BPIFB4: variants seen among roughly 807,000 people sequenced by gnomAD.
BPIFB4 encodes BPI fold-containing family B member 4.
Under a neutral mutation model 69.2 loss-of-function variants are expected in BPIFB4, and 62 were observed. The observed-to-expected ratio is 0.90, with a 90% confidence interval of 0.73 to 1.11. The LOEUF is 1.11. Ranked by LOEUF, BPIFB4 falls within the 50% of genes least tolerant of loss-of-function variation. The pLI, the probability that BPIFB4 is intolerant of heterozygous loss-of-function variation, is 0.00. For missense variants in BPIFB4, 789 were observed against 792.0 expected, an observed-to-expected ratio of 1.00 and a Z score of 0.04; for synonymous variants, 330 against 332.7, an observed-to-expected ratio of 0.99 and a Z score of 0.09.
chr20:33,095,711 T>C (rs1229179165), intron 12 of BPIFB4, among the ~76,000 whole-genome samples: 10 of 152,186 alleles, frequency 6.6e-5, no homozygotes, highest in Admixed American at 4.6e-4. Context: ...GGGGTAACCA[T>C]GCTCACTTCA....
chr20:33,107,690 G>A (rs1399134530), intron 16 of BPIFB4, 54 bp from the exon 17 acceptor site: 5 of 1,383,260 alleles, frequency 3.6e-6, no homozygotes, highest in Non-Finnish European at 5.1e-6. Context: ...GGCTTCTGGT[G>A]AGACCAACAC....
chr20:33,110,514 A>C lies in BPIFB4; in HGVS notation c.1822-900A>C, dbSNP rs567376488. Among the ~76,000 whole-genome samples, 154 of 152,310 alleles carry C rather than the reference A, an allele frequency of 1.0e-3. 1 individual carries two copies. Among genetic ancestry groups the C allele is most frequent in the Non-Finnish European group, 1.9e-3 (127 of 68,040 alleles). ...CAATCTCTTGTGAGGAGGTACCAGG[A>C]GACCATGCAAATATCCTGTTTCTCG... On this transcript the variant is annotated intron_variant, in intron 17 of 17. Coordinates refer to ENST00000375483, the MANE Select transcript of BPIFB4 (RefSeq NM_182519.3).
chr20:33,102,989 G>A lies in BPIFB4; in HGVS notation c.1655G>A (p.Arg552Lys). 6.2e-7 allele frequency: 1 copy of A among 1,614,152 alleles called. No individual in the cohort carries two copies. The highest frequency in any genetic ancestry group is 8.5e-7 in the Non-Finnish European group (1 of 1,180,008). Residue 552 changes from arginine (R) to lysine (K), a missense_variant, in exon 15 of 18, where the codon AGA becomes AAA. Transcript: ENST00000375483. ...AKLEKTSLNL[R>K]TSNVGNFDIG... is the part of the protein sequence containing the mutation. Reference sequence around the variant, plus strand: ...GTCTACAGGACCAGCCTCAACCTCAGAACCTCAAACGTGGGCAACTTTGAT... The same window carrying A: ...GTCTACAGGACCAGCCTCAACCTCAAAACCTCAAACGTGGGCAACTTTGAT...
intron 13 of BPIFB4, 31 bp downstream of exon 13, chr20:33,097,818 G>C: frequency 6.3e-7 from 1 of 1,577,236 alleles, no homozygotes. Flanking sequence ...GTGGCCTCCA[G>C]CTGGGCCTCA....
intron 9 of BPIFB4, among the ~76,000 whole-genome samples, chr20:33,089,894 A>G (rs1001046108): frequency 6.6e-6 from 1 of 152,162 alleles, no homozygotes; most frequent in Non-Finnish European, 1.5e-5. Context: ...AGCTGTGTGG[A>G]CTTGGAGAGA....
intron 13 of BPIFB4, 95 bp from the exon 14 acceptor site, chr20:33,100,331 A>G (rs1201315960): frequency 1.9e-6 from 2 of 1,063,752 alleles, no homozygotes; most frequent in Non-Finnish European, 2.8e-6. Context: ...AGGGTTAACG[A>G]AGCCCTAGCT....
At chr20:33,096,785 G>C (rs1981767895) in intron 12 of BPIFB4, among the ~76,000 whole-genome samples, 1 of 152,198 alleles carries the variant, frequency 6.6e-6, no homozygotes, top group Non-Finnish European at 1.5e-5. Flanking sequence ...GTGTCCTGGA[G>C]ACCTGGGCTG....
intron 7 of BPIFB4, among the ~76,000 whole-genome samples, chr20:33,086,829 G>A (rs1225654052): frequency 6.6e-6 from 1 of 152,116 alleles, no homozygotes; most frequent in Admixed American, 6.5e-5. Flanking sequence ...TTCATATACT[G>A]GCCAGCACGC....
At position 33,095,160 on chromosome 20, in the gene BPIFB4, A is replaced by G; in HGVS notation, c.1398+7A>G. On this transcript the variant is annotated splice_region_variant and intron_variant, in intron 12 of 17. Transcript: ENST00000375483. ...GGGAGCCCTGATCCCCAAGGTATGTAAGGTGGGCAGGTCCCATTGCCTTCA... is the reference window on the plus strand; with the variant it reads ...GGGAGCCCTGATCCCCAAGGTATGTGAGGTGGGCAGGTCCCATTGCCTTCA... 1 of 1,603,108 alleles carries G rather than the reference A, an allele frequency of 6.2e-7. No individual in the cohort carries two copies. Among genetic ancestry groups the G allele is most frequent in the Non-Finnish European group, 8.5e-7 (1 of 1,170,004 alleles).
Position 33,097,666 on chromosome 20 carries a change from T to G in BPIFB4, c.1448T>G (p.Val483Gly), listed in dbSNP as rs1260614263. Residue 483 changes from valine to glycine, a missense_variant, in exon 13 of 18, where the codon GTG (valine) becomes GGG (glycine). Val to Gly is a moderately radical substitution (Grantham distance 109). This residue lies in a region of BPIFB4 where 170 missense variants were observed against 193.6 expected (regional missense o/e 0.88). Transcript: ENST00000375483. ...TGCCCACTTATCATCAGGATCCAGG[T>G]GCTGAACCCACCATCTGTGATGCTG... Reference protein sequence around the residue: ...ESCPLIIRIQVLNPPSVMLQK... With the variant: ...ESCPLIIRIQGLNPPSVMLQK... The G allele has an allele frequency of 6.2e-7, 1 of 1,614,008 alleles. No homozygotes were observed. Among genetic ancestry groups the G allele is most frequent in the Non-Finnish European group, 8.5e-7 (1 of 1,179,970 alleles).
At chr20:33,100,587 C>T in intron 14 of BPIFB4, 94 bp downstream of exon 14, 1 of 1,227,700 alleles carries the variant, frequency 8.1e-7, no homozygotes, top group South Asian at 1.3e-5. Flanking sequence ...GTGTGGCCAT[C>T]AGGGCTGGGT....
chr20:33,096,641 C>A (rs1255113880), intron 12 of BPIFB4, among the ~76,000 whole-genome samples: 3 of 152,134 alleles, frequency 2.0e-5, no homozygotes, highest in South Asian at 4.1e-4. Flanking sequence ...GAGAAGCACA[C>A]CATTTACAGA....
chr20:33,108,445 A>G (rs1459890506), intron 17 of BPIFB4, among the ~76,000 whole-genome samples: 1 of 150,128 alleles, frequency 6.7e-6, no homozygotes, highest in African/African-American at 2.5e-5. Context: ...ATAGACATAT[A>G]TACAATCCAG....
intron 13 of BPIFB4, among the ~76,000 whole-genome samples, chr20:33,100,158 T>C (rs1187715905): frequency 6.6e-6 from 1 of 152,218 alleles, no homozygotes; most frequent in Admixed American, 6.5e-5. Context: ...GCCCTTACTG[T>C]GACTCACTTG....
rs559085916 is a variant in BPIFB4 at position 33,092,380 on chromosome 20, A to G, written c.1144-78A>G. The G allele has an allele frequency of 1.7e-3, 2,325 of 1,355,462 alleles. 2 individuals carry two copies. Among genetic ancestry groups the G allele is most frequent in the Non-Finnish European group, 2.2e-3 (2,143 of 986,968 alleles). 84.0% of individuals were successfully genotyped at this position (1,355,462 alleles called of 1,614,324 possible). On this transcript the variant is annotated intron_variant, in intron 10 of 17. Transcript: ENST00000375483. The stretch of plus-strand genomic sequence containing the variant: ...AAAATGGCTGCCTGGAGGCAGATTC[A>G]GGGCCTCACTCCAGCCTTCAGTCCC...
At chr20:33,099,535 C>T (rs1274205963) in intron 13 of BPIFB4, among the ~76,000 whole-genome samples, 1 of 152,200 alleles carries the variant, frequency 6.6e-6, no homozygotes, top group Non-Finnish European at 1.5e-5. Flanking sequence ...TCCCTTTTCA[C>T]TGCAGCCTCA....
intron 17 of BPIFB4, among the ~76,000 whole-genome samples, chr20:33,110,394 A>G (rs1179198403): frequency 6.6e-6 from 1 of 152,192 alleles, no homozygotes; most frequent in Admixed American, 6.5e-5. Flanking sequence ...GGGGATACCG[A>G]TGTCCATGTG....
chr20:33,105,901 TTAATCA>T (rs1307076255), intron 16 of BPIFB4, among the ~76,000 whole-genome samples: 1 of 152,132 alleles, frequency 6.6e-6, no homozygotes, highest in African/African-American at 2.4e-5. Context: ...GGCGAGTCTT[TTAATCA>T]TACTGAAGTG....
Position 33,111,436 on chromosome 20 carries a change from G to A in BPIFB4, c.1844G>A (p.Ter615=). The A allele has an allele frequency of 1.2e-6, 2 of 1,614,052 alleles. No individual in the cohort carries two copies. Among genetic ancestry groups the A allele is most frequent in the Non-Finnish European group, 1.7e-6 (2 of 1,179,946 alleles). ...VLEDLLVLSA[*] ...AAGGACCTTTTGGTGCTGAGCGCAT[G>A]AGTGACAGAGGCAGAGATGCTGCTG... The change falls in exon 18 of 18, where the codon TGA becomes TAA. Residue 615 remains the stop codon, a stop_retained_variant. Coordinates refer to ENST00000375483, the MANE Select transcript of BPIFB4 (RefSeq NM_182519.3).
Sources: gnomAD v4.1 joint callset for allele counts (sites outside exome capture counted in the v4.1 genomes callset) on GRCh38, gnomAD v4.1.1 for gene constraint, gnomAD v4.1.1 regional missense constraint, MANE v1.5 for transcripts, NCBI Gene and HGNC (gene_info 2026-07-23, HGNC 2026-07-21) for gene names.